TMC3: variants seen among roughly 807,000 people sequenced by gnomAD.
TMC3 encodes transmembrane channel like 3.
A neutral mutation model predicts 110.6 loss-of-function variants in TMC3; 98 were observed. That is an observed-to-expected ratio of 0.89 (90% CI 0.75 to 1.05). The LOEUF is 1.05. TMC3 is among the 50% of genes least tolerant of loss of function. TMC3 has a pLI of 0.00. For synonymous variants in TMC3, 489 were observed against 513.1 expected, an observed-to-expected ratio of 0.95 and a Z score of 0.63; for missense variants, 1,319 against 1,373.2, an observed-to-expected ratio of 0.96 and a Z score of 0.62.
chr15:81,344,123 C>T (rs1211213376), intron 13 of TMC3, 78 bp from the exon 14 acceptor site: 1 of 1,506,206 alleles, frequency 6.6e-7, no homozygotes, highest in East Asian at 2.4e-5. Flanking sequence ...TGCTCCTAAT[C>T]TCTGTTCATT....
intron 17 of TMC3, among the ~76,000 whole-genome samples, 182 bp downstream of exon 17, chr15:81,339,212 A>T (rs1479071168): frequency 6.6e-6 from 1 of 152,208 alleles, no homozygotes; most frequent in Non-Finnish European, 1.5e-5. Context: ...CACAGAGATG[A>T]TTATACTAAG....
At chr15:81,336,196 GTAGTATACCGCAAA>G (rs1567060685) in intron 20 of TMC3, 2 of 159,832 alleles carry the variant, frequency 1.3e-5, no homozygotes, top group Non-Finnish European at 2.7e-5. Flanking sequence ...ATTTGTATTG[GTAGTATACCGCAAA>G]CTACTTTAAA....
intron 11 of TMC3, among the ~76,000 whole-genome samples, chr15:81,346,835 T>G (rs1261436825): frequency 2.0e-5 from 3 of 152,344 alleles, no homozygotes; most frequent in South Asian, 2.1e-4. Context: ...AGCAGCTCTG[T>G]AATAATCCCC....
At chr15:81,348,158 G>C (rs2141704253) in intron 11 of TMC3, among the ~76,000 whole-genome samples, 1 of 152,350 alleles carries the variant, frequency 6.6e-6, no homozygotes, top group South Asian at 2.1e-4. Flanking sequence ...GAGACTGTGT[G>C]ACCCACAAAA....
In TMC3 at chr15:81,356,460, A is replaced by C; in HGVS notation, c.878T>G (p.Val293Gly). The C allele has an allele frequency of 1.3e-6, 2 of 1,567,830 alleles. No individual in the cohort carries two copies. The highest frequency in any genetic ancestry group is 1.7e-6 in the Non-Finnish European group (2 of 1,156,136). The change falls in exon 8 of 22, where the codon GTG (valine) becomes GGG (glycine). Residue 293 changes from valine (V) to glycine (G), a missense_variant. Physicochemically the swap from Val to Gly is moderately radical, Grantham distance 109 (BLOSUM62 -3). Transcript: ENST00000359440. ...EAAESKTAAIVNSIREAILEE... is the reference protein window; with the variant it reads ...EAAESKTAAIGNSIREAILEE... ...TCACTCACTCACCCTGATGCTGTTCACTATGGCAGCTGTTTTGCTCTCTGC... is the reference window on the plus strand; with the variant it reads ...TCACTCACTCACCCTGATGCTGTTCCCTATGGCAGCTGTTTTGCTCTCTGC...
chr15:81,366,437 T>G (rs1315776399), intron 3 of TMC3, among the ~76,000 whole-genome samples: 1 of 152,180 alleles, frequency 6.6e-6, no homozygotes, highest in Non-Finnish European at 1.5e-5. Flanking sequence ...AAAATTTGGA[T>G]TACCTTACTG....
chr15:81,338,542 C>T, intron 18 of TMC3, 113 bp downstream of exon 18: 1 of 1,412,342 alleles, frequency 7.1e-7, no homozygotes, highest in Non-Finnish European at 9.6e-7. Flanking sequence ...AGGCTCTAAG[C>T]CTAAGTGATT....
At position 81,344,755 on chromosome 15, in the gene TMC3, A is replaced by G; in HGVS notation, c.1518+11T>C. 2 of 1,613,110 alleles carry G rather than the reference A, an allele frequency of 1.2e-6. No homozygotes were observed. Among genetic ancestry groups the G allele is most frequent in the Non-Finnish European group, 1.7e-6 (2 of 1,179,704 alleles). ...GATATGACAGAGCTTTGTAAGGGTA[A>G]AGAGAACCACCTGACCAACGTATGT... On this transcript the variant is annotated intron_variant, in intron 13 of 21. Coordinates refer to ENST00000359440, the MANE Select transcript of TMC3 (RefSeq NM_001080532.3).
Position 81,343,404 on chromosome 15 carries a change from A to G in TMC3, c.1648-59T>C, listed in dbSNP as rs144890813. On this transcript the variant is annotated intron_variant, in intron 14 of 21. Transcript: ENST00000359440. ...GTTCCAAAGTTCTTTGCATGAACCA[A>G]TTAATTACAGACACCTATATAGACT... 297 of 1,143,752 alleles carry G rather than the reference A, an allele frequency of 2.6e-4. 1 individual carries two copies. Among genetic ancestry groups the G allele is most frequent in the Non-Finnish European group, 3.8e-4 (282 of 751,394 alleles). 70.9% of individuals were successfully genotyped at this position (1,143,752 alleles called of 1,614,324 possible).
intron 11 of TMC3, among the ~76,000 whole-genome samples, chr15:81,349,019 CA>C (rs1163880234): frequency 6.6e-6 from 1 of 152,008 alleles, no homozygotes; most frequent in Non-Finnish European, 1.5e-5. Flanking sequence ...TTAGTAGAGA[CA>C]GGGTTTCTCC....
chr15:81,359,380 A>G lies in TMC3; in HGVS notation c.486T>C (p.Phe162=). ...NIVLTIMTGA[F]IVIPELIAGQ... ...AACATCTTACCTCTGGAATGACAAT[A>G]AAAGCACCTGTCATAATGGTGAGCA... Residue 162 remains phenylalanine, a synonymous_variant, in exon 5 of 22, where the codon TTT becomes TTC. Coordinates refer to ENST00000359440, the MANE Select transcript of TMC3 (RefSeq NM_001080532.3). The G allele has an allele frequency of 6.2e-7, 1 of 1,602,738 alleles. No homozygotes were observed. The highest frequency in any genetic ancestry group is 1.1e-5 in the South Asian group (1 of 88,012).
chr15:81,366,448 A>G (rs1894319866), intron 3 of TMC3, among the ~76,000 whole-genome samples: 1 of 152,184 alleles, frequency 6.6e-6, no homozygotes, highest in Non-Finnish European at 1.5e-5. Flanking sequence ...TACCTTACTG[A>G]GTGTAAAAAC....
chr15:81,335,070 G>T (rs930497792), intron 20 of TMC3, 95 bp from the exon 21 acceptor site: 3 of 1,385,840 alleles, frequency 2.2e-6, no homozygotes, highest in African/African-American at 2.9e-5. Flanking sequence ...TGACATCCAA[G>T]AGTTGGTCCG....
intron 13 of TMC3, among the ~76,000 whole-genome samples, chr15:81,344,263 G>T (rs1254652446): frequency 6.6e-6 from 1 of 152,190 alleles, no homozygotes; most frequent in Admixed American, 6.5e-5. Context: ...ATTTGAATTC[G>T]AATTTTGATA....
chr15:81,359,053 T>C (rs1894128828), intron 5 of TMC3, among the ~76,000 whole-genome samples: 1 of 152,158 alleles, frequency 6.6e-6, no homozygotes, highest in South Asian at 2.1e-4. Flanking sequence ...ATCAAAATAA[T>C]TTATATAAAA....
chr15:81,351,973 A>G lies in TMC3; in HGVS notation c.936-132T>C, dbSNP rs9972530. ...ATTCTCTGCCCTGAAGCATCAATGCACTTCCAGCCCACCCCACCCAGCACC... is the reference window on the plus strand; with the variant it reads ...ATTCTCTGCCCTGAAGCATCAATGCGCTTCCAGCCCACCCCACCCAGCACC... On this transcript the variant is annotated intron_variant, in intron 9 of 21. Transcript: ENST00000359440. 658 of 1,047,126 alleles carry G rather than the reference A, an allele frequency of 6.3e-4. 4 individuals carry two copies. In the African/African-American group the frequency reaches 9.2e-3, roughly 15 times the overall value. 64.9% of individuals were successfully genotyped at this position (1,047,126 alleles called of 1,614,324 possible).
At position 81,338,692 on chromosome 15, in the gene TMC3, T is replaced by A; in HGVS notation, c.2044A>T (p.Ser682Cys). The change falls in exon 18 of 22, where the codon AGC becomes TGC. Residue 682 changes from serine to cysteine, a missense_variant. By Grantham distance (112) the Ser-to-Cys change is moderately radical. Transcript: ENST00000359440. ...WFGSVVGHIS[S>C]PVVILPAVLL... ...ACTGCGGGCAGGATGACCACGGGGC[T>A]ACTGATGTGTCCAACCACGGAGCCA... 1 of 1,614,054 alleles carries A rather than the reference T, an allele frequency of 6.2e-7. No individual in the cohort carries two copies. Among genetic ancestry groups the A allele is most frequent in the Non-Finnish European group, 8.5e-7 (1 of 1,179,886 alleles).
intron 12 of TMC3, among the ~76,000 whole-genome samples, chr15:81,345,552 A>G (rs1177255287): frequency 6.6e-6 from 1 of 152,152 alleles, no homozygotes; most frequent in Non-Finnish European, 1.5e-5. Flanking sequence ...CATTCAGGAT[A>G]TCCTTATAGG....
At position 81,331,728 on chromosome 15, in the gene TMC3, T is replaced by C. The variant is rs1238104307; in HGVS notation, c.*691A>G. On this transcript the variant is annotated 3_prime_UTR_variant, in exon 22 of 22. Coordinates refer to ENST00000359440, the MANE Select transcript of TMC3 (RefSeq NM_001080532.3). ...CAGCTTCCCCATAAAATGTCAGGAG[T>C]TGGGCGAGTGGGCTCAAACATGCGC... The C allele has an allele frequency of 6.6e-6, 1 of 151,614 alleles. No individual in the cohort carries two copies. The highest frequency in any genetic ancestry group is 1.5e-5 in the Non-Finnish European group (1 of 67,920). 9.4% of individuals were successfully genotyped at this position (151,614 alleles called of 1,614,324 possible). A position where few individuals can be genotyped will look rare whatever the true frequency, so the allele number is the denominator to read the frequency against.
Sources: allele counts gnomAD v4.1 joint callset (sites outside exome capture counted in the v4.1 genomes callset), GRCh38; gene constraint gnomAD v4.1.1; transcripts MANE v1.5; gene names NCBI Gene and HGNC (gene_info 2026-07-23, HGNC 2026-07-21).